Variants in RBFOX1 observed in about 807,000 individuals in gnomAD.
The protein encoded by RBFOX1 is RNA binding fox-1 homolog 1, also known as RNA binding protein fox-1 homolog 1.
RBFOX1 carries 8 observed loss-of-function variants against 57.7 expected under a neutral mutation model. That is an observed-to-expected ratio of 0.14 (90% CI 0.08 to 0.25). The LOEUF is 0.25. Among genes scored for constraint, RBFOX1 ranks in the 10% least tolerant of loss-of-function variants. The pLI is 1.00. For missense variants in RBFOX1, 611 were observed against 548.5 expected, an observed-to-expected ratio of 1.11 and a Z score of -1.14; for synonymous variants, 326 against 222.4, an observed-to-expected ratio of 1.47 and a Z score of -4.15.
At chr16:6,135,569 C>T (rs949251027) in intron 1 of RBFOX1, among the ~76,000 whole-genome samples, 3 of 151,780 alleles carry the variant, frequency 2.0e-5, no homozygotes, top group African/African-American at 7.3e-5. Context: ...TGAATGAAAA[C>T]ATTGGTCTGT....
chr16:6,614,548 C>G (rs528400685), intron 2 of RBFOX1, among the ~76,000 whole-genome samples: 2 of 152,274 alleles, frequency 1.3e-5, no homozygotes, highest in African/African-American at 4.8e-5. Context: ...GACTGGACGA[C>G]TTAGAACATC....
intron 3 of RBFOX1, among the ~76,000 whole-genome samples, chr16:6,943,504 T>G (rs959317634): frequency 6.6e-6 from 1 of 152,010 alleles, no homozygotes; most frequent in African/African-American, 2.4e-5. Context: ...GTCAGGAGAT[T>G]GAGACCATCC....
chr16:5,588,553 C>T (rs1002470854), intron 2 of RBFOX1, among the ~76,000 whole-genome samples: 3 of 152,156 alleles, frequency 2.0e-5, no homozygotes, highest in African/African-American at 7.2e-5. Context: ...TCAGTGTTGA[C>T]TTTGTCTGAC....
At chr16:7,018,431 T>C (rs767971504) in intron 3 of RBFOX1, among the ~76,000 whole-genome samples, 2 of 152,190 alleles carry the variant, frequency 1.3e-5, no homozygotes, top group East Asian at 1.9e-4. Context: ...GAATATTGTC[T>C]TAATTGCTCC....
intron 2 of RBFOX1, among the ~76,000 whole-genome samples, chr16:6,560,499 T>C (rs2097166595): frequency 6.6e-6 from 1 of 151,878 alleles, no homozygotes; most frequent in African/African-American, 2.4e-5. Flanking sequence ...GGCTTGAGAG[T>C]AGCCGTCTGT....
At chr16:7,386,921 T>C (rs1157386422) in intron 4 of RBFOX1, among the ~76,000 whole-genome samples, 2 of 152,236 alleles carry the variant, frequency 1.3e-5, no homozygotes, top group Admixed American at 6.5e-5. Flanking sequence ...ATCTCCATTC[T>C]GACTGCCATG....
chr16:7,360,716 C>T (rs1247736523), intron 4 of RBFOX1, among the ~76,000 whole-genome samples: 1 of 152,200 alleles, frequency 6.6e-6, no homozygotes, highest in Non-Finnish European at 1.5e-5. Context: ...ATAATGCTGT[C>T]AACACACAGC....
chr16:5,350,918 C>A (rs1235240830), intron 1 of RBFOX1, among the ~76,000 whole-genome samples: 2 of 151,948 alleles, frequency 1.3e-5, no homozygotes, highest in South Asian at 2.1e-4. Context: ...ATGCATCTCG[C>A]AGGGTTGTGA....
chr16:5,893,514 C>A (rs8043987), intron 4 of RBFOX1, among the ~76,000 whole-genome samples: 140,672 of 152,266 alleles, frequency 0.92, 65,170 homozygotes, highest in African/African-American at 0.98. Flanking sequence ...CTGTGTCCAT[C>A]TGTTTTATCT....
chr16:5,742,848 G>C (rs1002636140), intron 3 of RBFOX1, among the ~76,000 whole-genome samples: 1 of 152,222 alleles, frequency 6.6e-6, no homozygotes, highest in African/African-American at 2.4e-5. Flanking sequence ...CTAAGAGCTA[G>C]CTTGAAGAAC....
intron 3 of RBFOX1, among the ~76,000 whole-genome samples, chr16:5,727,745 T>G (rs2052206802): frequency 1.3e-5 from 2 of 152,182 alleles, no homozygotes; most frequent in Admixed American, 1.3e-4. Flanking sequence ...TTGAGTACAG[T>G]GGTGTTATCA....
At chr16:5,655,339 A>G (rs1219448690) in intron 3 of RBFOX1, among the ~76,000 whole-genome samples, 1 of 152,166 alleles carries the variant, frequency 6.6e-6, no homozygotes, top group Non-Finnish European at 1.5e-5. Context: ...ATGTGGGAAG[A>G]GTCAAGACTC....
chr16:6,816,089 C>T (rs1175892735), intron 3 of RBFOX1, among the ~76,000 whole-genome samples: 1 of 152,086 alleles, frequency 6.6e-6, no homozygotes, highest in East Asian at 1.9e-4. Flanking sequence ...AGGAGGATTG[C>T]TTGAGCTGAG....
At chr16:5,810,610 G>T (rs1452395369) in intron 3 of RBFOX1, among the ~76,000 whole-genome samples, 1 of 152,084 alleles carries the variant, frequency 6.6e-6, no homozygotes, top group African/African-American at 2.4e-5. Flanking sequence ...ACTCCTGCTG[G>T]GTTGACCCAG....
At chr16:5,792,943 G>T (rs1188391827) in intron 3 of RBFOX1, among the ~76,000 whole-genome samples, 1 of 152,230 alleles carries the variant, frequency 6.6e-6, no homozygotes, top group African/African-American at 2.4e-5. Context: ...TGTTGGGTAG[G>T]CTGAGTAGGA....
rs540000535 is a variant in RBFOX1 at position 7,054,112 on chromosome 16, C to G, written c.27+2014C>G. On this transcript the variant is annotated intron_variant, in intron 4 of 15. Transcript: ENST00000550418. ...TTCTCTGTCTTTCCATCTCTTTCTT[C>G]TTCCTTTCCTCCCTCCCTCTTTTCC... Among the ~76,000 whole-genome samples, 61 of 147,186 alleles carry G rather than the reference C, an allele frequency of 4.1e-4. No individual in the cohort carries two copies. The South Asian group carries it at 7.8e-3, about 19-fold the overall frequency.
chr16:5,354,615 T>G (rs2065342046), intron 1 of RBFOX1, among the ~76,000 whole-genome samples: 1 of 152,260 alleles, frequency 6.6e-6, no homozygotes, highest in African/African-American at 2.4e-5. Flanking sequence ...CCAGGCCTTG[T>G]GCTCTGCACA....
chr16:7,332,780 G>C (rs897584472), intron 4 of RBFOX1: 37 of 1,387,048 alleles, frequency 2.7e-5, no homozygotes, highest in Non-Finnish European at 3.4e-5. Context: ...CAACTTTGCA[G>C]CTGCTGTGTC....
intron 1 of RBFOX1, among the ~76,000 whole-genome samples, chr16:5,277,756 C>A (rs1220895832): frequency 3.3e-5 from 5 of 152,202 alleles, no homozygotes; most frequent in Non-Finnish European, 7.3e-5. Flanking sequence ...CAATAGTTTT[C>A]TTTCTGTGCA....
Sources: allele counts gnomAD v4.1 joint callset (sites outside exome capture counted in the v4.1 genomes callset), GRCh38; gene constraint gnomAD v4.1.1; transcripts MANE v1.5; gene names NCBI Gene and HGNC (gene_info 2026-07-23, HGNC 2026-07-21).